Variants in LRRC37A2 observed in about 807,000 individuals in gnomAD.
LRRC37A2 encodes the protein leucine-rich repeat-containing protein 37A2.
A neutral mutation model predicts 68.8 loss-of-function variants in LRRC37A2; 9 were observed. The ratio of observed to expected loss-of-function variants is 0.13; its 90% confidence interval spans 0.08 to 0.23. The LOEUF (loss-of-function observed/expected upper bound fraction) is 0.23, where lower values mean the gene tolerates loss of function less well. Ranked by LOEUF, LRRC37A2 falls within the 10% of genes least tolerant of loss-of-function variation. The pLI is 1.00. For missense variants in LRRC37A2, 168 were observed against 950.4 expected, an observed-to-expected ratio of 0.18 and a Z score of 10.82; for synonymous variants, 63 against 367.6, an observed-to-expected ratio of 0.17 and a Z score of 9.48.
chr17:46,543,901 G>C (rs2055883156), intron 8 of LRRC37A2, among the ~76,000 whole-genome samples: 1 of 148,600 alleles, frequency 6.7e-6, no homozygotes, highest in African/African-American at 2.6e-5. Context: ...AGGGTTGCTT[G>C]TGCCCAGGAG....
At chr17:46,786,219 A>C in the LRRC37A2 span, among the ~76,000 whole-genome samples, 25 of 152,030 alleles carry the variant, frequency 1.6e-4, no homozygotes, top group East Asian at 1.2e-3. Flanking sequence ...TGGAAACAGG[A>C]GGGAAGAGGG....
At chr17:46,535,030 TC>T (rs1362217021) in intron 6 of LRRC37A2, among the ~76,000 whole-genome samples, 1 of 149,682 alleles carries the variant, frequency 6.7e-6, no homozygotes, top group African/African-American at 2.5e-5. Context: ...GCAGAGGCGC[TC>T]CTCACATCCC....
chr17:46,917,863 A>T, the LRRC37A2 span, among the ~76,000 whole-genome samples: 1 of 152,260 alleles, frequency 6.6e-6, no homozygotes, highest in African/African-American at 2.4e-5. Context: ...TCATGTAGCC[A>T]GAAACTAGTG....
At chr17:46,960,295 G>A in the LRRC37A2 span, among the ~76,000 whole-genome samples, 1 of 152,156 alleles carries the variant, frequency 6.6e-6, no homozygotes, top group African/African-American at 2.4e-5. Context: ...CACACAATGA[G>A]GTGTCACTAC....
the LRRC37A2 span, among the ~76,000 whole-genome samples, chr17:46,697,274 A>T: frequency 7.9e-6 from 1 of 126,434 alleles, no homozygotes; most frequent in Non-Finnish European, 1.6e-5. Context: ...GCAGTGGCAC[A>T]GTCTTCGCTC....
the LRRC37A2 span, chr17:46,916,675 AGCATTAAATAAATGG>A: frequency 2.0e-5 from 3 of 152,226 alleles, no homozygotes; most frequent in Non-Finnish European, 4.4e-5. Context: ...TGATGTAACC[AGCATTAAATAAATGG>A]CATTATCAAC....
the LRRC37A2 span, among the ~76,000 whole-genome samples, chr17:46,797,016 A>G: frequency 6.6e-6 from 1 of 152,216 alleles, no homozygotes; most frequent in Admixed American, 6.5e-5. Context: ...AATGGGGGAA[A>G]ATGGGAAAAG....
the LRRC37A2 span, among the ~76,000 whole-genome samples, chr17:46,761,169 T>G: frequency 6.6e-6 from 1 of 152,304 alleles, no homozygotes; most frequent in East Asian, 1.9e-4. Flanking sequence ...ACAGTTTTTG[T>G]GGTTTCAGCT....
the LRRC37A2 span, among the ~76,000 whole-genome samples, chr17:46,968,550 A>C: frequency 6.6e-6 from 1 of 152,220 alleles, no homozygotes; most frequent in African/African-American, 2.4e-5. Flanking sequence ...ATCAATCACC[A>C]TCAGATCCTC....
At chr17:46,867,086 A>C in the LRRC37A2 span, among the ~76,000 whole-genome samples, 1 of 152,160 alleles carries the variant, frequency 6.6e-6, no homozygotes, top group Non-Finnish European at 1.5e-5. Context: ...GTGTTTCCTC[A>C]AGGAGGCAGG....
chr17:46,925,705 G>A, the LRRC37A2 span, among the ~76,000 whole-genome samples: 1 of 152,124 alleles, frequency 6.6e-6, no homozygotes, highest in Non-Finnish European at 1.5e-5. Flanking sequence ...CACAACAGTA[G>A]CTGAACTTAT....
chr17:47,000,017 AT>A, the LRRC37A2 span, among the ~76,000 whole-genome samples: 6 of 18,562 alleles, frequency 3.2e-4, no homozygotes, highest in African/African-American at 5.6e-4. Flanking sequence ...ATAAAATAAA[AT>A]AAAATAAAAT....
the LRRC37A2 span, among the ~76,000 whole-genome samples, chr17:46,920,827 C>T: frequency 6.6e-6 from 1 of 152,234 alleles, no homozygotes; most frequent in Non-Finnish European, 1.5e-5. Flanking sequence ...AATAGAGTCA[C>T]TCATGCTAAA....
At chr17:46,493,326 GT>G in the LRRC37A2 span, among the ~76,000 whole-genome samples, 55 of 100,442 alleles carry the variant, frequency 5.5e-4, no homozygotes, top group African/African-American at 1.6e-3. Context: ...CACCTGGCTA[GT>G]TTTTTTTTTT....
At chr17:46,894,935 G>A in the LRRC37A2 span, among the ~76,000 whole-genome samples, 1,665 of 152,348 alleles carry the variant, frequency 0.011, 40 homozygotes, top group African/African-American at 0.038. Context: ...GTCATTAGCG[G>A]GGCCTCCCGG....
the LRRC37A2 span, among the ~76,000 whole-genome samples, chr17:46,897,907 G>C: frequency 6.6e-5 from 10 of 152,174 alleles, no homozygotes; most frequent in Non-Finnish European, 1.0e-4. Flanking sequence ...GAAACAAGAG[G>C]TGTCATGTGG....
chr17:46,972,750 T>C, the LRRC37A2 span, among the ~76,000 whole-genome samples: 3 of 152,226 alleles, frequency 2.0e-5, no homozygotes, highest in Admixed American at 2.0e-4. Context: ...AAAGAAATTA[T>C]TGAGGCACAG....
chr17:46,981,418 A>C, the LRRC37A2 span, among the ~76,000 whole-genome samples: 6 of 152,038 alleles, frequency 3.9e-5, no homozygotes, highest in African/African-American at 1.2e-4. Flanking sequence ...GATGAGTTCC[A>C]CCCCTCTTTC....
chr17:46,767,779 T>TTTTGTTTGTTTG, the LRRC37A2 span, among the ~76,000 whole-genome samples: 2 of 152,040 alleles, frequency 1.3e-5, 1 homozygote, highest in South Asian at 4.1e-4. Context: ...TTTTGTTTTT[T>TTTTGTTTGTTTG]TTTGTTTGTT....
Sources: allele counts gnomAD v4.1 joint callset (sites outside exome capture counted in the v4.1 genomes callset), GRCh38; gene constraint gnomAD v4.1.1; transcripts MANE v1.5; gene names NCBI Gene and HGNC (gene_info 2026-07-23, HGNC 2026-07-21).